The following VSX2 variants were observed in gnomAD, a reference collection of about 807,000 sequenced individuals.
VSX2 encodes the protein ceh-10 homeo domain containing homolog.
A neutral mutation model predicts 32.1 loss-of-function variants in VSX2; 28 were observed. The ratio of observed to expected loss-of-function variants is 0.87; its 90% CI spans 0.65 to 1.20. The LOEUF (loss-of-function observed/expected upper bound fraction) is 1.20. Ranked by LOEUF, VSX2 falls within the 50% of genes most tolerant of loss-of-function variation. The pLI, the probability that VSX2 is intolerant of heterozygous loss-of-function variation, is 0.00. For missense variants in VSX2, 506 were observed against 488.7 expected (o/e 1.04, Z -0.33); for synonymous variants, 243 against 214.1 (o/e 1.14, Z -1.18).
At chr14:74,246,997 C>T (rs1344900943) in intron 3 of VSX2, among the ~76,000 whole-genome samples, 3 of 151,964 alleles carry the variant, frequency 2.0e-5, no homozygotes, top group Admixed American at 2.0e-4. Flanking sequence ...TCTGAGGGCA[C>T]CAGAACCAGC....
chr14:74,252,856 C>A (rs1377665309), intron 3 of VSX2, among the ~76,000 whole-genome samples: 1 of 151,692 alleles, frequency 6.6e-6, no homozygotes, highest in Non-Finnish European at 1.5e-5. Flanking sequence ...CGAGACCAGC[C>A]TGGCCAACAT....
intron 1 of VSX2, 50 bp from the exon 2 acceptor site, chr14:74,241,132 A>G: frequency 6.3e-7 from 1 of 1,593,484 alleles, no homozygotes; most frequent in Non-Finnish European, 8.6e-7. Context: ...TTTCGGGCAC[A>G]GCGGAGCGCG....
chr14:74,259,573 A>G, intron 3 of VSX2, 29 bp from the exon 4 acceptor site: 1 of 1,613,816 alleles, frequency 6.2e-7, no homozygotes, highest in East Asian at 2.2e-5. Flanking sequence ...TCTCAGAGCA[A>G]GCCTCTGACC....
Position 74,261,089 on chromosome 14 carries a change from C to G in VSX2, c.*170C>G, listed in dbSNP as rs2079304355. On this transcript the variant is annotated 3_prime_UTR_variant, in exon 5 of 5. Transcript: ENST00000261980. The stretch of plus-strand genomic sequence containing the variant: ...CTGCAGGCACCGCTGGGTTCTGACT[C>G]TGGACCATGCTGAGACATCCCTCAT... 2 of 718,308 alleles carry G rather than the reference C, an allele frequency of 2.8e-6. No homozygotes were observed. Among genetic ancestry groups the G allele is most frequent in the African/African-American group, 1.8e-5 (1 of 56,528 alleles). The allele number at this position is 718,308 out of a possible 1,614,324, so 44.5% of individuals were successfully genotyped here.
chr14:74,248,877 C>T (rs951666680), intron 3 of VSX2, among the ~76,000 whole-genome samples: 2 of 152,182 alleles, frequency 1.3e-5, no homozygotes, highest in African/African-American at 2.4e-5. Context: ...AGATCCCTTC[C>T]AGGGAGGTGC....
intron 4 of VSX2, 81 bp downstream of exon 4, chr14:74,259,863 G>T: frequency 6.9e-7 from 1 of 1,451,950 alleles, no homozygotes. Flanking sequence ...GAGCCTTGAG[G>T]CAGGGGCACT....
chr14:74,251,795 C>T (rs896595939), intron 3 of VSX2, among the ~76,000 whole-genome samples: 5 of 148,530 alleles, frequency 3.4e-5, no homozygotes, highest in African/African-American at 1.2e-4. Context: ...TGCAATAAAC[C>T]GCGGGCGAAG....
intron 2 of VSX2, among the ~76,000 whole-genome samples, chr14:74,244,917 T>TGAGAGAGAGAAAGAGAGAGAGAAA (rs1157174143): frequency 3.5e-4 from 18 of 52,046 alleles, no homozygotes; most frequent in East Asian, 9.6e-4. Context: ...TGTGTGTGTG[T>TGAGAGAGAGAAAGAGAGAGAGAAA]GTGTGTGTGT....
At chr14:74,255,727 G>T (rs2079258654) in intron 3 of VSX2, among the ~76,000 whole-genome samples, 1 of 152,152 alleles carries the variant, frequency 6.6e-6, no homozygotes, top group Admixed American at 6.5e-5. Context: ...CCAGGGCAGT[G>T]CACCTTGCCA....
intron 2 of VSX2, among the ~76,000 whole-genome samples, chr14:74,244,898 GT>G (rs2079174472): frequency 1.2e-5 from 1 of 83,156 alleles, no homozygotes; most frequent in East Asian, 4.7e-4. Flanking sequence ...GTGTGTGTGT[GT>G]GTGTGTGTGT....
At chr14:74,255,436 T>C (rs1332714478) in intron 3 of VSX2, among the ~76,000 whole-genome samples, 1 of 152,180 alleles carries the variant, frequency 6.6e-6, no homozygotes, top group Non-Finnish European at 1.5e-5. Flanking sequence ...AGCCAGGCAT[T>C]CCAGGAGCCC....
chr14:74,253,048 CAAAAAAAAA>C (rs34396021), intron 3 of VSX2, among the ~76,000 whole-genome samples: 1 of 95,448 alleles, frequency 1.0e-5, no homozygotes, highest in African/African-American at 3.7e-5. Context: ...GACTCCATCT[CAAAAAAAAA>C]AAAAAAAAAA....
At chr14:74,255,838 C>G (rs537651013) in intron 3 of VSX2, among the ~76,000 whole-genome samples, 31 of 152,174 alleles carry the variant, frequency 2.0e-4, no homozygotes, top group Admixed American at 6.5e-5. Flanking sequence ...ACAGAACCCT[C>G]TTTTATAAAT....
chr14:74,255,922 C>T (rs535134141), intron 3 of VSX2, among the ~76,000 whole-genome samples: 1 of 152,330 alleles, frequency 6.6e-6, no homozygotes, highest in Admixed American at 6.5e-5. Flanking sequence ...TTAGTGTGAA[C>T]ATGTACATAA....
At chr14:74,258,493 TC>T (rs2079282400) in intron 3 of VSX2, among the ~76,000 whole-genome samples, 1 of 151,972 alleles carries the variant, frequency 6.6e-6, no homozygotes, top group South Asian at 2.1e-4. Context: ...GGTCCTCCCC[TC>T]CCGACTCCCT....
rs1472572846 is a variant in VSX2 at position 74,239,863 on chromosome 14, A to C, written c.302A>C (p.Gln101Pro). 5.5e-5 allele frequency: 87 copies of C among 1,577,586 alleles called. No homozygotes were observed. Among genetic ancestry groups the C allele is most frequent in the Non-Finnish European group, 7.1e-5 (83 of 1,163,054 alleles). Residue 101 changes from glutamine to proline, a missense_variant, in exon 1 of 5, where the codon CAG becomes CCG. Transcript: ENST00000261980. ...PTFLEVLSDP[Q>P]SVHLQPLGRA... is the part of the protein sequence containing the mutation. ...TTCCTGGAAGTGCTGTCCGACCCGC[A>C]GAGCGTCCACTTGCAGCCATTGGGC...
At chr14:74,257,716 A>G (rs28710281) in intron 3 of VSX2, among the ~76,000 whole-genome samples, 2,124 of 139,914 alleles carry the variant, frequency 0.015, 79 homozygotes, top group East Asian at 0.065. Context: ...ACCACCCCCC[A>G]CCCACTTCCC....
Position 74,239,877 on chromosome 14 carries a change from C to G in VSX2, c.316C>G (p.Gln106Glu). The change falls in exon 1 of 5, where the codon CAG (glutamine) becomes GAG (glutamate). Residue 106 changes from glutamine to glutamate, a missense_variant. Coordinates refer to ENST00000261980, the MANE Select transcript of VSX2 (RefSeq NM_182894.3). ...GTCCGACCCGCAGAGCGTCCACTTG[C>G]AGCCATTGGGCAGAGCATCGGGGCC... ...VLSDPQSVHLQPLGRASGPLD... is the reference protein window; with the variant it reads ...VLSDPQSVHLEPLGRASGPLD... 1 of 1,576,288 alleles carries G rather than the reference C, an allele frequency of 6.3e-7. No homozygotes were observed. The highest frequency in any genetic ancestry group is 8.6e-7 in the Non-Finnish European group (1 of 1,162,118).
Position 74,239,517 on chromosome 14 carries a change from G to T in VSX2, c.-45G>T. 6.5e-7 allele frequency: 1 copy of T among 1,549,290 alleles called. No individual in the cohort carries two copies. The highest frequency in any genetic ancestry group is 1.2e-5 in the South Asian group (1 of 83,946). On this transcript the variant is annotated 5_prime_UTR_variant, in exon 1 of 5. Coordinates refer to ENST00000261980, the MANE Select transcript of VSX2 (RefSeq NM_182894.3). ...GCGGGAAGCCCGGCGGGGGGGTGGG[G>T]GGAGCTAAAGACCTGCGGCCTCAGC...
Sources: gnomAD v4.1 joint callset for allele counts (sites outside exome capture counted in the v4.1 genomes callset) on GRCh38, gnomAD v4.1.1 for gene constraint, MANE v1.5 for transcripts, NCBI Gene and HGNC (gene_info 2026-07-23, HGNC 2026-07-21) for gene names.